MIOS: variants seen among roughly 807,000 people sequenced by gnomAD.
MIOS encodes meiosis regulator for oocyte development, also known as GATOR2 complex protein MIOS.
In MIOS, 52 loss-of-function variants were observed where a neutral mutation model predicts 96.9. The ratio of observed to expected loss-of-function variants is 0.54; its 90% CI spans 0.43 to 0.68. The LOEUF (loss-of-function observed/expected upper bound fraction) is 0.68. MIOS is among the 30% of genes least tolerant of loss of function. The pLI is 0.00. For missense variants in MIOS, 1,005 were observed against 1,052.8 expected, an observed-to-expected ratio of 0.95 and a Z score of 0.63; for synonymous variants, 397 against 359.5, an observed-to-expected ratio of 1.10 and a Z score of -1.18.
At chr7:7,588,202 T>A (rs1783946633) in intron 7 of MIOS, among the ~76,000 whole-genome samples, 1 of 152,168 alleles carries the variant, frequency 6.6e-6, no homozygotes, top group Non-Finnish European at 1.5e-5. Context: ...ATACTGTGCA[T>A]CATTGCTTAT....
intron 10 of MIOS, 131 bp downstream of exon 10, chr7:7,595,263 G>T: frequency 1.0e-6 from 1 of 969,770 alleles, no homozygotes; most frequent in Non-Finnish European, 1.5e-6. Flanking sequence ...ACTGAACTTT[G>T]TCCTTGATCT....
At chr7:7,569,731 T>C (rs1352547179) in intron 3 of MIOS, among the ~76,000 whole-genome samples, 1 of 152,214 alleles carries the variant, frequency 6.6e-6, no homozygotes, top group Non-Finnish European at 1.5e-5. Context: ...TGACAGTGTA[T>C]GTCTGAGTAA....
chr7:7,571,477 A>G (rs1237052736), intron 3 of MIOS, among the ~76,000 whole-genome samples: 1 of 152,236 alleles, frequency 6.6e-6, no homozygotes, highest in Non-Finnish European at 1.5e-5. Flanking sequence ...CCTTTTTAAT[A>G]GTTATATATT....
chr7:7,601,540 A>C (rs1198215348), intron 11 of MIOS, among the ~76,000 whole-genome samples: 2 of 152,188 alleles, frequency 1.3e-5, no homozygotes, highest in Non-Finnish European at 2.9e-5. Flanking sequence ...TGAATCTCTG[A>C]ATAGACCAAT....
intron 3 of MIOS, among the ~76,000 whole-genome samples, chr7:7,569,984 G>A (rs979190723): frequency 3.3e-5 from 5 of 152,194 alleles, no homozygotes; most frequent in African/African-American, 1.2e-4. Flanking sequence ...GGGTTTTGTA[G>A]GTTATACTAA....
chr7:7,567,120 G>A (rs1783165060), intron 1 of MIOS, 48 bp downstream of exon 1: 1 of 152,098 alleles, frequency 6.6e-6, no homozygotes, highest in African/African-American at 2.4e-5. Context: ...GGAGCGCCGC[G>A]GCCGCAGCGA....
At chr7:7,570,867 C>T (rs1310669255) in intron 3 of MIOS, among the ~76,000 whole-genome samples, 1 of 152,160 alleles carries the variant, frequency 6.6e-6, no homozygotes, top group Non-Finnish European at 1.5e-5. Context: ...TGCTGTGTGG[C>T]CTGGTTCCTA....
At chr7:7,588,593 GTAAT>G (rs1563031103) in intron 8 of MIOS, 30 bp downstream of exon 8, 2 of 1,439,446 alleles carry the variant, frequency 1.4e-6, no homozygotes, top group Non-Finnish European at 1.9e-6. Flanking sequence ...CACATTTGAA[GTAAT>G]TAATATGTAC....
chr7:7,570,612 C>T (rs1783318444), intron 3 of MIOS, among the ~76,000 whole-genome samples: 1 of 151,826 alleles, frequency 6.6e-6, no homozygotes, highest in African/African-American at 2.4e-5. Context: ...AGCTTGTTTT[C>T]CTGCAACTAG....
At chr7:7,571,609 A>G (rs1476287533) in intron 3 of MIOS, among the ~76,000 whole-genome samples, 1 of 152,250 alleles carries the variant, frequency 6.6e-6, no homozygotes, top group Non-Finnish European at 1.5e-5. Context: ...TTAATGGCAT[A>G]GGTGTTACAT....
chr7:7,586,479 A>G (rs1783890835), intron 7 of MIOS, among the ~76,000 whole-genome samples: 2 of 152,224 alleles, frequency 1.3e-5, no homozygotes, highest in Admixed American at 6.5e-5. Context: ...AAACAATAGT[A>G]CTACAACTTT....
chr7:7,594,198 A>G (rs560864245), intron 9 of MIOS, among the ~76,000 whole-genome samples: 6 of 152,348 alleles, frequency 3.9e-5, no homozygotes, highest in Admixed American at 2.6e-4. Flanking sequence ...TTTAACTTAC[A>G]GATAAGTAGA....
chr7:7,574,441 C>T (rs561595965), intron 5 of MIOS, among the ~76,000 whole-genome samples: 31 of 152,128 alleles, frequency 2.0e-4, no homozygotes, highest in African/African-American at 5.8e-4. Flanking sequence ...TCTATCCACA[C>T]GTTTATTCAA....
intron 11 of MIOS, among the ~76,000 whole-genome samples, chr7:7,600,250 G>C (rs1375925509): frequency 6.6e-6 from 1 of 151,634 alleles, no homozygotes; most frequent in Non-Finnish European, 1.5e-5. Flanking sequence ...AAGTAAAACA[G>C]GATCTAATAG....
chr7:7,603,580 G>A (rs1344886793), intron 11 of MIOS, among the ~76,000 whole-genome samples: 2 of 152,314 alleles, frequency 1.3e-5, no homozygotes, highest in African/African-American at 4.8e-5. Context: ...TGGAGAGGAT[G>A]TGAAGAAATA....
At position 7,574,450 on chromosome 7, in the gene MIOS, A is replaced by G. The variant is rs146990730; in HGVS notation, c.1393+254A>G. ...CTTAAATCTATCCACACGTTTATTC[A>G]ATGTTATTTTTTTGAAAACCCACTT... On this transcript the variant is annotated intron_variant, in intron 5 of 12. Coordinates refer to ENST00000340080, the MANE Select transcript of MIOS (RefSeq NM_019005.4). Among the ~76,000 whole-genome samples, 8 of 152,186 alleles carry G rather than the reference A, an allele frequency of 5.3e-5. No individual in the cohort carries two copies. The East Asian group carries it at 1.2e-3, about 22-fold the overall frequency.
chr7:7,606,056 T>G lies in MIOS; in HGVS notation c.2516T>G (p.Met839Arg). 6.2e-7 allele frequency: 1 copy of G among 1,613,798 alleles called. No homozygotes were observed. Among genetic ancestry groups the G allele is most frequent in the Non-Finnish European group, 8.5e-7 (1 of 1,179,768 alleles). ...AGGCACGGTGGACATGCTGGACATATGCTTAGTTGGTTCAGGTAATCAGCA... is the reference window on the plus strand; with the variant it reads ...AGGCACGGTGGACATGCTGGACATAGGCTTAGTTGGTTCAGGTAATCAGCA... ...NCRHGGHAGH[M>R]LSWFRDHAEC... Residue 839 changes from methionine (M) to arginine (R), a missense_variant, in exon 12 of 13, where the codon ATG becomes AGG. This residue lies in a region of MIOS where 865 missense variants were observed against 887.9 expected (regional missense o/e 0.97). Transcript: ENST00000340080.
intron 5 of MIOS, among the ~76,000 whole-genome samples, chr7:7,576,040 T>C (rs1783521447): frequency 6.6e-6 from 1 of 152,188 alleles, no homozygotes; most frequent in Non-Finnish European, 1.5e-5. Context: ...ACATGGTAAG[T>C]CAACACATTG....
Position 7,579,971 on chromosome 7 carries a change from T to C in MIOS, c.1394-3147T>C, listed in dbSNP as rs79532104. Among the ~76,000 whole-genome samples, 1,350 of 152,320 alleles carry C rather than the reference T, an allele frequency of 8.9e-3. 12 individuals carry two copies. The highest frequency in any genetic ancestry group is 0.042 in the South Asian group (204 of 4,828). On this transcript the variant is annotated intron_variant, in intron 5 of 12. Coordinates refer to ENST00000340080, the MANE Select transcript of MIOS (RefSeq NM_019005.4). ...GACATGATTTCTATAAAATAAAAAC[T>C]CTTTGAGAAATTAGAATATTATTAT...
Sources: gnomAD v4.1 joint callset for allele counts (sites outside exome capture counted in the v4.1 genomes callset) on GRCh38, gnomAD v4.1.1 for gene constraint, gnomAD v4.1.1 regional missense constraint, MANE v1.5 for transcripts, NCBI Gene and HGNC (gene_info 2026-07-23, HGNC 2026-07-21) for gene names.